CER1: variants seen among roughly 807,000 people sequenced by gnomAD.
CER1 encodes cerberus 1, DAN family BMP antagonist.
Under a neutral mutation model 11.8 loss-of-function variants are expected in CER1, and 10 were observed. The ratio of observed to expected loss-of-function variants is 0.85; its 90% CI spans 0.52 to 1.44. The LOEUF (loss-of-function observed/expected upper bound fraction) is 1.44. CER1 is among the 40% of genes most tolerant of loss of function. The pLI is 0.00. For synonymous variants in CER1, 141 were observed against 122.3 expected (o/e 1.15, Z -1.01); for missense variants, 431 against 327.0 (o/e 1.32, Z -2.45).
In CER1 at chr9:14,719,824, C is replaced by T. The variant is rs1445705344; in HGVS notation, c.*266G>A. The T allele has an allele frequency of 7.4e-6, 3 of 403,996 alleles. No homozygotes were observed. The highest frequency in any genetic ancestry group is 4.2e-5 in the East Asian group (1 of 23,852). The allele number at this position is 403,996 out of a possible 1,614,324, so 25.0% of individuals were successfully genotyped here. On this transcript the variant is annotated 3_prime_UTR_variant, in exon 2 of 2. Coordinates refer to ENST00000380911, the MANE Select transcript of CER1 (RefSeq NM_005454.3). ...TTTTAGCAATCATCTAGGTCGGGTC[C>T]GTCATTTATAGATGAAAATCTTTAG... is the stretch of plus-strand genomic sequence containing the variant.
downstream of CER1, among the ~76,000 whole-genome samples, chr9:14,717,926 TA>T (rs1839958097): frequency 6.6e-6 from 1 of 152,214 alleles, no homozygotes; most frequent in African/African-American, 2.4e-5. Flanking sequence ...ATTAAATTGT[TA>T]ACTTCTTGTA....
At chr9:14,719,555 C>A (rs55908318), downstream of CER1, among the ~76,000 whole-genome samples, 6,974 of 55,082 alleles carry the variant, frequency 0.13, 210 homozygotes, top group Non-Finnish European at 0.16. Flanking sequence ...GCCTGCCTGC[C>A]TGCCTGCCTT....
rs866499463 is a variant in CER1 at position 14,719,777 on chromosome 9, G to A, written c.*313C>T. The A allele has an allele frequency of 4.9e-5, 12 of 245,454 alleles. No homozygotes were observed. The highest frequency in any genetic ancestry group is 1.9e-4 in the Admixed American group (4 of 21,192). 15.2% of individuals were successfully genotyped at this position (245,454 alleles called of 1,614,324 possible). The stretch of plus-strand genomic sequence containing the variant: ...CCCAAACTTGGAGAAAATGCATCAC[G>A]GAATATTAGTAGTGGAAAGGATTTT... On this transcript the variant is annotated 3_prime_UTR_variant, in exon 2 of 2. Coordinates refer to ENST00000380911, the MANE Select transcript of CER1 (RefSeq NM_005454.3).
At chr9:14,718,003 A>G (rs1444465068), downstream of CER1, among the ~76,000 whole-genome samples, 1 of 152,186 alleles carries the variant, frequency 6.6e-6, no homozygotes, top group African/African-American at 2.4e-5. Context: ...TTGGTTTCTT[A>G]CAGTCTTACA....
Position 14,719,908 on chromosome 9 carries a change from A to G in CER1, c.*182T>C. 1 of 588,872 alleles carries G rather than the reference A, an allele frequency of 1.7e-6. No individual in the cohort carries two copies. 36.5% of individuals were successfully genotyped at this position (588,872 alleles called of 1,614,324 possible). A position where few individuals can be genotyped will look rare whatever the true frequency, so the allele number is the denominator to read the frequency against. ...GCTAGTTAGTGGCAGAGCTGAGACA[A>G]GGTCTCAAACGTGTACCAATAACTA... is the stretch of plus-strand genomic sequence containing the variant. On this transcript the variant is annotated 3_prime_UTR_variant, in exon 2 of 2. Coordinates refer to ENST00000380911, the MANE Select transcript of CER1 (RefSeq NM_005454.3).
At position 14,720,071 on chromosome 9, in the gene CER1, G is replaced by C; in HGVS notation, c.*19C>G. 6.2e-7 allele frequency: 1 copy of C among 1,607,570 alleles called. No individual in the cohort carries two copies. The highest frequency in any genetic ancestry group is 1.3e-5 in the African/African-American group (1 of 74,890). Reference sequence around the variant, plus strand: ...GCTGTTGTGGTTTTGCTTTTCAAAGGTAATAGTGGGATAGCTCTTCAAGCT... The same window carrying C: ...GCTGTTGTGGTTTTGCTTTTCAAAGCTAATAGTGGGATAGCTCTTCAAGCT... On this transcript the variant is annotated 3_prime_UTR_variant, in exon 2 of 2. Coordinates refer to ENST00000380911, the MANE Select transcript of CER1 (RefSeq NM_005454.3).
chr9:14,722,610 C>T lies in CER1; in HGVS notation c.63G>A (p.Gln21=), dbSNP rs1440312645. Residue 21 remains glutamine (Q), a synonymous_variant, in exon 1 of 2, where the codon CAG becomes CAA. Transcript: ENST00000380911. The part of the protein sequence containing the change: ...LLPLGKTTRH[Q]DGRQNQSSLS... ...GAGAACTCTGATTCTGGCGGCCATC[C>T]TGGTGCCGTGTGGTCTTTCCTAGAG... is the stretch of plus-strand genomic sequence containing the variant. The T allele has an allele frequency of 1.9e-6, 3 of 1,609,556 alleles. No homozygotes were observed. The highest frequency in any genetic ancestry group is 2.5e-6 in the Non-Finnish European group (3 of 1,179,954).
chr9:14,722,196 C>G lies in CER1; in HGVS notation c.477G>C (p.Trp159Cys), dbSNP rs762621330. 6 of 1,614,068 alleles carry G rather than the reference C, an allele frequency of 3.7e-6. No homozygotes were observed. Among genetic ancestry groups the G allele is most frequent in the Non-Finnish European group, 5.1e-6 (6 of 1,180,028 alleles). Residue 159 changes from tryptophan to cysteine, a missense_variant, in exon 1 of 2, where the codon TGG becomes TGC. Trp to Cys is a radical substitution (Grantham distance 215, BLOSUM62 -2). Coordinates refer to ENST00000380911, the MANE Select transcript of CER1 (RefSeq NM_005454.3). ...TGAAGGGCACTGTCCTGCAGGTCTC[C>G]CAATGTACTTCATGGCTTTTGATGG... ...ILPIKSHEVH[W>C]ETCRTVPFSQ... is the part of the protein sequence containing the mutation.
chr9:14,722,487 G>T lies in CER1; in HGVS notation c.186C>A (p.His62Gln), dbSNP rs759414494. The change falls in exon 1 of 2, where the codon CAC (histidine) becomes CAA (glutamine). Residue 62 changes from histidine (H) to glutamine (Q), a missense_variant. Physicochemically the swap from His to Gln is conservative, Grantham distance 24. Coordinates refer to ENST00000380911, the MANE Select transcript of CER1 (RefSeq NM_005454.3). ...CCCCTGCAGGGCTGGTGGCTACAAG[G>T]TGTGGCACTGCGACAAACAGATCTG... ...EKPDLFVAVP[H>Q]LVATSPAGEG... 4.8e-5 allele frequency: 78 copies of T among 1,614,060 alleles called. No individual in the cohort carries two copies. Among genetic ancestry groups the T allele is most frequent in the Non-Finnish European group, 6.2e-5 (73 of 1,180,044 alleles).
At chr9:14,721,454 G>A (rs1840011056) in intron 1 of CER1, among the ~76,000 whole-genome samples, 1 of 152,136 alleles carries the variant, frequency 6.6e-6, no homozygotes, top group East Asian at 1.9e-4. Flanking sequence ...TCTAAGGGGA[G>A]GAGATATGAT....
In CER1 at chr9:14,722,459, C is replaced by G; in HGVS notation, c.214G>C (p.Gly72Arg). 2.5e-6 allele frequency: 4 copies of G among 1,614,228 alleles called. No homozygotes were observed. Among genetic ancestry groups the G allele is most frequent in the Non-Finnish European group, 3.4e-6 (4 of 1,180,046 alleles). Reference sequence around the variant, plus strand: ...AGCATCTTCTCTCTCTGCCTCTGGCCTTCCCCTGCAGGGCTGGTGGCTACA... The same window carrying G: ...AGCATCTTCTCTCTCTGCCTCTGGCGTTCCCCTGCAGGGCTGGTGGCTACA... ...HLVATSPAGE[G>R]QRQREKMLSR... The change falls in exon 1 of 2, where the codon GGC becomes CGC. Residue 72 changes from glycine to arginine, a missense_variant. Transcript: ENST00000380911.
At chr9:14,718,569 G>A (rs1479930147), downstream of CER1, among the ~76,000 whole-genome samples, 1 of 152,132 alleles carries the variant, frequency 6.6e-6, no homozygotes, top group Non-Finnish European at 1.5e-5. Context: ...TGTCATGTTA[G>A]ATGGTGTGAT....
chr9:14,722,265 G>C lies in CER1; in HGVS notation c.408C>G (p.His136Gln), dbSNP rs1248232986. The C allele has an allele frequency of 6.2e-7, 1 of 1,614,238 alleles. No homozygotes were observed. The highest frequency in any genetic ancestry group is 8.5e-7 in the Non-Finnish European group (1 of 1,180,038). Residue 136 changes from histidine to glutamine, a missense_variant, in exon 1 of 2, where the codon CAC becomes CAG. His to Gln is a conservative substitution (Grantham distance 24). Transcript: ENST00000380911. ...LREEAKKFWH[H>Q]FMFRKTPASQ... is the part of the protein sequence containing the mutation. The stretch of plus-strand genomic sequence containing the variant: ...AAGCCGGAGTTTTTCTGAACATGAA[G>C]TGGTGCCAGAATTTCTTGGCTTCTT...
Position 14,722,431 on chromosome 9 carries a change from G to C in CER1, c.242C>G (p.Ser81Cys), listed in dbSNP as rs778317996. 1.1e-5 allele frequency: 17 copies of C among 1,614,050 alleles called. No individual in the cohort carries two copies. Among genetic ancestry groups the C allele is most frequent in the Non-Finnish European group, 1.4e-5 (16 of 1,180,038 alleles). The change falls in exon 1 of 2, where the codon TCC (serine) becomes TGC (cysteine). Residue 81 changes from serine to cysteine, a missense_variant. By Grantham distance (112) the Ser-to-Cys change is moderately radical (BLOSUM62 -1). Transcript: ENST00000380911. ...EGQRQREKML[S>C]RFGRFWKKPE... ...CTTCTTCCAGAACCTGCCAAATCTG[G>C]ACAGCATCTTCTCTCTCTGCCTCTG...
Position 14,722,468 on chromosome 9 carries a change from C to A in CER1, c.205G>T (p.Ala69Ser). 2 of 1,614,218 alleles carry A rather than the reference C, an allele frequency of 1.2e-6. No individual in the cohort carries two copies. The highest frequency in any genetic ancestry group is 1.7e-6 in the Non-Finnish European group (2 of 1,180,046). Residue 69 changes from alanine to serine, a missense_variant, in exon 1 of 2, where the codon GCA becomes TCA. Transcript: ENST00000380911. ...TCTCTCTGCCTCTGGCCTTCCCCTG[C>A]AGGGCTGGTGGCTACAAGGTGTGGC... ...AVPHLVATSP[A>S]GEGQRQREKM...
intron 1 of CER1, 71 bp from the exon 2 acceptor site, chr9:14,720,457 G>A (rs1250230069): frequency 1.6e-5 from 22 of 1,408,070 alleles, no homozygotes; most frequent in Non-Finnish European, 1.9e-5. Flanking sequence ...CAGAAGCTAT[G>A]GACTGTAAAT....
In CER1 at chr9:14,722,543, T is replaced by A; in HGVS notation, c.130A>T (p.Thr44Ser). Reference protein sequence around the residue: ...LLPRNQRELPTGNHEEAEEKP... With the variant: ...LLPRNQRELPSGNHEEAEEKP... ...TCCTCAGCTTCCTCATGGTTGCCTG[T>A]GGGAAGCTCTCTTTGATTCCTTGGC... is the stretch of plus-strand genomic sequence containing the variant. The change falls in exon 1 of 2, where the codon ACA becomes TCA. Residue 44 changes from threonine to serine, a missense_variant. Transcript: ENST00000380911. 1 of 1,614,170 alleles carries A rather than the reference T, an allele frequency of 6.2e-7. No homozygotes were observed. The highest frequency in any genetic ancestry group is 1.1e-5 in the South Asian group (1 of 91,078).
In CER1 at chr9:14,719,809, C is replaced by A; in HGVS notation, c.*281G>T. Reference sequence around the variant, plus strand: ...TAGTAGTGGAAAGGATTTTAGCAATCATCTAGGTCGGGTCCGTCATTTATA... The same window carrying A: ...TAGTAGTGGAAAGGATTTTAGCAATAATCTAGGTCGGGTCCGTCATTTATA... On this transcript the variant is annotated 3_prime_UTR_variant, in exon 2 of 2. Transcript: ENST00000380911. The A allele has an allele frequency of 2.8e-6, 1 of 358,402 alleles. No individual in the cohort carries two copies. Among genetic ancestry groups the A allele is most frequent in the Admixed American group, 3.8e-5 (1 of 26,440 alleles). 22.2% of individuals were successfully genotyped at this position (358,402 alleles called of 1,614,324 possible).
chr9:14,721,914 G>T (rs1158932981), intron 1 of CER1, among the ~76,000 whole-genome samples: 5 of 152,170 alleles, frequency 3.3e-5, no homozygotes, highest in Admixed American at 6.5e-5. Context: ...TGTGTCTTCA[G>T]TGTGAATGAA....
Sources: gnomAD v4.1 joint callset for allele counts (sites outside exome capture counted in the v4.1 genomes callset) on GRCh38, gnomAD v4.1.1 for gene constraint, MANE v1.5 for transcripts, NCBI Gene and HGNC (gene_info 2026-07-23, HGNC 2026-07-21) for gene names.